Variants in ACBD5 observed in about 807,000 individuals in gnomAD.
The protein encoded by ACBD5 is acyl-CoA-binding domain-containing protein 5.
A neutral mutation model predicts 71.8 loss-of-function variants in ACBD5; 40 were observed. The ratio of observed to expected loss-of-function variants is 0.56; its 90% CI spans 0.43 to 0.72. ACBD5 has a LOEUF of 0.72. ACBD5 is among the 30% of genes least tolerant of loss of function. The probability of loss-of-function intolerance (pLI) is 0.00; values close to 1 mark genes in which losing one functional copy is unlikely to be tolerated. For synonymous variants in ACBD5, 229 were observed against 218.6 expected, an observed-to-expected ratio of 1.05 and a Z score of -0.42; for missense variants, 559 against 644.5, an observed-to-expected ratio of 0.87 and a Z score of 1.44.
upstream of ACBD5, chr10:27,242,110 TCGCCCTGCCC>T (rs1366216527): frequency 4.5e-6 from 2 of 448,480 alleles, no homozygotes; most frequent in East Asian, 1.4e-4. Flanking sequence ...CGCCCGCCCC[TCGCCCTGCCC>T]CGCGGGCTTA....
At position 27,215,566 on chromosome 10, in the gene ACBD5, C is replaced by T. The variant is rs907402366; in HGVS notation, c.905G>A (p.Cys302Tyr). Residue 302 changes from cysteine (C) to tyrosine (Y), a missense_variant, in exon 8 of 13, where the codon TGT (cysteine) becomes TAT (tyrosine). Coordinates refer to ENST00000396271, the MANE Select transcript of ACBD5 (RefSeq NM_145698.5). ...TTGTCCAAATTGTTCCATAGAATCA[C>T]AGTAAACTTCACTGTCTGAATCGCT... is the stretch of plus-strand genomic sequence containing the variant. ...LTSDSDSEVYCDSMEQFGQEE... is the reference protein window; with the variant it reads ...LTSDSDSEVYYDSMEQFGQEE... 6.2e-7 allele frequency: 1 copy of T among 1,613,434 alleles called. No individual in the cohort carries two copies. The highest frequency in any genetic ancestry group is 8.5e-7 in the Non-Finnish European group (1 of 1,179,652).
At chr10:27,219,290 G>C (rs1328623709) in intron 6 of ACBD5, among the ~76,000 whole-genome samples, 1 of 145,838 alleles carries the variant, frequency 6.9e-6, no homozygotes, top group African/African-American at 2.6e-5. Flanking sequence ...CTGGGCAACA[G>C]AGCGAGACTC....
chr10:27,200,299 A>G (rs1482280911), intron 12 of ACBD5, among the ~76,000 whole-genome samples: 1 of 152,322 alleles, frequency 6.6e-6, no homozygotes, highest in East Asian at 1.9e-4. Flanking sequence ...CACCAGCGCC[A>G]TGACAGTTTA....
At chr10:27,208,137 A>C (rs1336557040) in intron 10 of ACBD5, 109 bp downstream of exon 10, 1 of 1,200,312 alleles carries the variant, frequency 8.3e-7, no homozygotes, top group African/African-American at 1.5e-5. Context: ...TCTATTTTCT[A>C]AAAAAATCAG....
chr10:27,207,948 T>C (rs6482603), intron 10 of ACBD5, among the ~76,000 whole-genome samples: 1 of 151,946 alleles, frequency 6.6e-6, no homozygotes, highest in Non-Finnish European at 1.5e-5. Context: ...GTGGCCAGTC[T>C]GGTCTCAAAC....
At position 27,231,640 on chromosome 10, in the gene ACBD5, T is replaced by C; in HGVS notation, c.375+108A>G. On this transcript the variant is annotated intron_variant, in intron 4 of 12. Coordinates refer to ENST00000396271, the MANE Select transcript of ACBD5 (RefSeq NM_145698.5). ...AAATCCAATAATCTAGATTCTATTG[T>C]ATAACATACTACAATCTCCTTAAAG... The C allele has an allele frequency of 4.4e-6, 4 of 909,114 alleles. No individual in the cohort carries two copies. In the South Asian group the frequency reaches 5.5e-5, roughly 12 times the overall value. 56.3% of individuals were successfully genotyped at this position (909,114 alleles called of 1,614,324 possible).
intron 13 of ACBD5, chr10:27,186,470 A>G (rs200773075): frequency 1.2e-6 from 2 of 1,614,034 alleles, no homozygotes; most frequent in African/African-American, 2.7e-5. Flanking sequence ...ATGATGAAAC[A>G]GATACCTCCT....
intron 8 of ACBD5, among the ~76,000 whole-genome samples, chr10:27,211,455 G>C (rs2061069125): frequency 6.6e-6 from 1 of 152,212 alleles, no homozygotes; most frequent in Admixed American, 6.5e-5. Context: ...CGAGTAGCTG[G>C]GATTACAGGC....
intron 13 of ACBD5, among the ~76,000 whole-genome samples, chr10:27,187,646 G>A (rs2136308225): frequency 6.6e-6 from 1 of 151,992 alleles, no homozygotes; most frequent in African/African-American, 2.4e-5. Flanking sequence ...CAGCTACTTG[G>A]GAGGCTGAGG....
At chr10:27,232,658 TA>T (rs1311161474) in intron 3 of ACBD5, among the ~76,000 whole-genome samples, 1 of 152,106 alleles carries the variant, frequency 6.6e-6, no homozygotes, top group Non-Finnish European at 1.5e-5. Context: ...ACATTTTGGT[TA>T]ACAGGTTCTA....
At chr10:27,207,726 T>C (rs377281378) in intron 10 of ACBD5, among the ~76,000 whole-genome samples, 6 of 152,140 alleles carry the variant, frequency 3.9e-5, no homozygotes, top group Non-Finnish European at 7.3e-5. Flanking sequence ...TATTTATTTA[T>C]TTACTTACTT....
Position 27,240,503 on chromosome 10 carries a change from C to G in ACBD5, c.16-19G>C. 1 of 1,587,574 alleles carries G rather than the reference C, an allele frequency of 6.3e-7. No individual in the cohort carries two copies. Among genetic ancestry groups the G allele is most frequent in the African/African-American group, 1.3e-5 (1 of 74,520 alleles). ...CATGAAACTGGAACATGGAGCGCAG[C>G]CGCGGATCAACATGCCCCAAAAGGA... On this transcript the variant is annotated intron_variant, in intron 1 of 12. Coordinates refer to ENST00000396271, the MANE Select transcript of ACBD5 (RefSeq NM_145698.5). This position sits in a 1 kb window ranked among gnomAD's most constrained non-coding sequence, Gnocchi z 4.1.
intron 4 of ACBD5, among the ~76,000 whole-genome samples, chr10:27,227,009 ATTTTTTT>A (rs56406048): frequency 1.9e-4 from 15 of 78,402 alleles, no homozygotes; most frequent in African/African-American, 4.8e-4. Flanking sequence ...TTTTTTTGCG[ATTTTTTT>A]TTTTTTTTTT....
intron 13 of ACBD5, among the ~76,000 whole-genome samples, chr10:27,183,269 TTTG>T (rs4018758): frequency 0.68 from 101,587 of 150,148 alleles, 37,789 homozygotes; most frequent in East Asian, 0.99. Flanking sequence ...TTAAAATTCT[TTTG>T]TTGTTGTTGT....
At chr10:27,198,849 G>A (rs1260852833) in intron 12 of ACBD5, among the ~76,000 whole-genome samples, 1 of 152,154 alleles carries the variant, frequency 6.6e-6, no homozygotes, top group East Asian at 1.9e-4. Context: ...TGTAGCTCAC[G>A]CCTGTAATCC....
At chr10:27,204,945 G>A (rs987490256) in intron 11 of ACBD5, among the ~76,000 whole-genome samples, 4 of 152,122 alleles carry the variant, frequency 2.6e-5, no homozygotes, top group South Asian at 2.1e-4. Flanking sequence ...GGCTAACATG[G>A]TGAAACCCTG....
intron 12 of ACBD5, among the ~76,000 whole-genome samples, chr10:27,198,406 C>CA (rs1472862461): frequency 6.6e-6 from 1 of 152,204 alleles, no homozygotes; most frequent in Non-Finnish European, 1.5e-5. Context: ...AAACCCTCCC[C>CA]AGCACTCAAG....
At chr10:27,216,655 T>A (rs2061668518) in intron 7 of ACBD5, among the ~76,000 whole-genome samples, 1 of 152,222 alleles carries the variant, frequency 6.6e-6, no homozygotes, top group African/African-American at 2.4e-5. Flanking sequence ...GCCACACTTT[T>A]TAAAATTTAC....
Position 27,226,428 on chromosome 10 carries a change from G to A in ACBD5, c.376-2976C>T, listed in dbSNP as rs565102730. Among the ~76,000 whole-genome samples, 133 of 145,782 alleles carry A rather than the reference G, an allele frequency of 9.1e-4. 2 individuals are homozygous for A. The highest frequency in any genetic ancestry group is 2.8e-3 in the African/African-American group (111 of 39,112). ...TTGAAATACAAGAAATGGTGCACAT[G>A]TACACACATGAGATACAGACTACAC... On this transcript the variant is annotated intron_variant, in intron 4 of 12. Transcript: ENST00000396271.
Sources: gnomAD v4.1 joint callset for allele counts (sites outside exome capture counted in the v4.1 genomes callset) on GRCh38, gnomAD v4.1.1 for gene constraint, Gnocchi (gnomAD v3.1) non-coding constraint, MANE v1.5 for transcripts, NCBI Gene and HGNC (gene_info 2026-07-23, HGNC 2026-07-21) for gene names.